The following PCM1 variants were observed in gnomAD, a reference collection of about 807,000 sequenced individuals.
The protein encoded by PCM1 is pericentriolar material 1.
In PCM1, 157 loss-of-function variants were observed where a neutral mutation model predicts 241.9. The observed-to-expected ratio is 0.65, with a 90% CI of 0.57 to 0.74. The LOEUF (loss-of-function observed/expected upper bound fraction) is 0.74, where lower values mean the gene tolerates loss of function less well. PCM1 is among the 30% of genes least tolerant of loss of function. The pLI, the probability that PCM1 is intolerant of heterozygous loss-of-function variation, is 0.00. For synonymous variants in PCM1, 1,085 were observed against 784.9 expected (o/e 1.38, Z -6.39); for missense variants, 3,478 against 2,360.1 (o/e 1.47, Z -9.81).
intron 8 of PCM1, 131 bp downstream of exon 8, chr8:17,950,855 T>TC (rs898300460): frequency 1.5e-4 from 93 of 636,470 alleles, no homozygotes; most frequent in Non-Finnish European, 2.1e-4. Flanking sequence ...ATTGGTGGGG[T>TC]CCCCCCCACC....
Position 17,960,301 on chromosome 8 carries a change from C to G in PCM1, c.2193-14C>G, listed in dbSNP as rs2071092599. ...TTATTGGAGTCCATAAATATAATGT[C>G]AATTTAATTGTAGAGAGAAATTTTA... On this transcript the variant is annotated splice_polypyrimidine_tract_variant and intron_variant, in intron 14 of 38. Coordinates refer to ENST00000325083, the MANE Select transcript of PCM1 (RefSeq NM_006197.4). The G allele has an allele frequency of 6.3e-7, 1 of 1,592,894 alleles. No individual in the cohort carries two copies. The highest frequency in any genetic ancestry group is 1.2e-5 in the South Asian group (1 of 86,320).
chr8:17,937,224 G>A lies in PCM1; in HGVS notation c.187G>A (p.Asp63Asn), dbSNP rs34804690. 933 of 1,607,576 alleles carry A rather than the reference G, an allele frequency of 5.8e-4. 3 individuals are homozygous for A. The African/African-American group carries it at 0.01, about 18-fold the overall frequency. ...GVESDKRVTN[D>N]ISPESSPGVG... is the part of the protein sequence containing the mutation. ...AGAAAGTGATAAAAGAGTAACCAAT[G>A]ATATTTCTCCGGAGTCGTCACCAGG... Residue 63 changes from aspartate (D) to asparagine (N), a missense_variant, in exon 4 of 39, where the codon GAT (aspartate) becomes AAT (asparagine). Transcript: ENST00000325083.
chr8:17,987,114 C>G (rs183475086), intron 26 of PCM1, among the ~76,000 whole-genome samples: 5 of 151,912 alleles, frequency 3.3e-5, no homozygotes, highest in Non-Finnish European at 7.4e-5. Flanking sequence ...ATAACATAAA[C>G]CTGTGTCTAA....
chr8:17,938,800 A>C lies in PCM1; in HGVS notation c.403A>C (p.Ser135Arg). The change falls in exon 5 of 39, where the codon AGT becomes CGT. Residue 135 changes from serine (S) to arginine (R), a missense_variant. By Grantham distance (110) the Ser-to-Arg change is moderately radical. Coordinates refer to ENST00000325083, the MANE Select transcript of PCM1 (RefSeq NM_006197.4). ...AGCTGCTAACAACAAACGTCAGCTT[A>C]GTGAAAACCGAAAGCCCTTCAACTT... ...ATAANNKRQLSENRKPFNFLP... is the reference protein window; with the variant it reads ...ATAANNKRQLRENRKPFNFLP... The C allele has an allele frequency of 6.2e-7, 1 of 1,612,584 alleles. No homozygotes were observed. The highest frequency in any genetic ancestry group is 8.5e-7 in the Non-Finnish European group (1 of 1,178,542).
chr8:17,978,706 A>G (rs144577647), intron 23 of PCM1, among the ~76,000 whole-genome samples: 1,869 of 152,304 alleles, frequency 0.012, 15 homozygotes, highest in Admixed American at 0.018. Context: ...ATCAAAATAG[A>G]GACCTTTATA....
intron 6 of PCM1, among the ~76,000 whole-genome samples, chr8:17,940,749 C>T (rs1460440946): frequency 1.3e-5 from 2 of 152,124 alleles, no homozygotes; most frequent in South Asian, 2.1e-4. Flanking sequence ...TGTTGAAGTA[C>T]TGTTTTTCTG....
At chr8:17,979,117 CA>C in intron 23 of PCM1, among the ~76,000 whole-genome samples, 1 of 143,088 alleles carries the variant, frequency 7.0e-6, no homozygotes. Context: ...GAATGAGACT[CA>C]GTCTCAAAAG....
intron 6 of PCM1, chr8:17,940,174 GTAAT>G: frequency 1.6e-6 from 2 of 1,278,448 alleles, no homozygotes; most frequent in Non-Finnish European, 2.2e-6. Context: ...CGGCTTTTTG[GTAAT>G]TAAAGTGCTG....
intron 36 of PCM1, among the ~76,000 whole-genome samples, chr8:18,022,029 A>C (rs1443115332): frequency 2.6e-5 from 4 of 152,234 alleles, no homozygotes; most frequent in Non-Finnish European, 4.4e-5. Context: ...TTTTGGAAAC[A>C]ACAGCAGAGA....
At chr8:17,984,108 C>T (rs1368694567) in intron 24 of PCM1, among the ~76,000 whole-genome samples, 2 of 151,910 alleles carry the variant, frequency 1.3e-5, no homozygotes, top group African/African-American at 2.4e-5. Context: ...GGGAATGAAG[C>T]TTGTGTTTAA....
chr8:17,942,996 CAA>C (rs5889754), intron 6 of PCM1, among the ~76,000 whole-genome samples: 56,850 of 122,972 alleles, frequency 0.46, 12,592 homozygotes, highest in Middle Eastern at 0.6. Context: ...GACTCTGTCT[CAA>C]AAAAAAAAAA....
intron 20 of PCM1, 25 bp from the exon 21 acceptor site, chr8:17,966,955 A>G (rs1439372922): frequency 6.4e-7 from 1 of 1,567,706 alleles, no homozygotes; most frequent in Non-Finnish European, 8.6e-7. Context: ...ACTGATTCTT[A>G]GATTACTGAC....
chr8:17,975,660 T>C (rs561942954), intron 23 of PCM1, among the ~76,000 whole-genome samples: 40 of 152,288 alleles, frequency 2.6e-4, no homozygotes, highest in African/African-American at 9.6e-4. Context: ...GTACAGCCAG[T>C]TATACTGTCC....
At chr8:17,954,427 CAA>C (rs57686395) in intron 9 of PCM1, among the ~76,000 whole-genome samples, 23 of 108,740 alleles carry the variant, frequency 2.1e-4, no homozygotes, top group South Asian at 3.0e-4. Flanking sequence ...AACTCCATCT[CAA>C]AAAAAAAAAA....
chr8:18,009,107 A>T (rs2092036961), intron 30 of PCM1, among the ~76,000 whole-genome samples: 1 of 151,978 alleles, frequency 6.6e-6, no homozygotes, highest in East Asian at 1.9e-4. Flanking sequence ...TTTGAAGAAA[A>T]ATTTAAATTA....
At chr8:17,949,406 A>C in intron 7 of PCM1, among the ~76,000 whole-genome samples, 1 of 152,180 alleles carries the variant, frequency 6.6e-6, no homozygotes, top group South Asian at 2.1e-4. Flanking sequence ...ATAGGATTCT[A>C]TATAGCCTTG....
intron 29 of PCM1, 89 bp downstream of exon 29, chr8:17,993,708 G>GTATACC (rs1467563362): frequency 4.5e-6 from 5 of 1,106,246 alleles, no homozygotes; most frequent in Admixed American, 6.1e-5. Context: ...AAGTTCAACG[G>GTATACC]TATAGGTAAA....
At chr8:17,947,671 C>T (rs183002439) in intron 7 of PCM1, among the ~76,000 whole-genome samples, 79 of 152,196 alleles carry the variant, frequency 5.2e-4, no homozygotes, top group Middle Eastern at 6.8e-3. Context: ...GCTCATGATG[C>T]GTTTATTTCC....
At chr8:17,977,062 A>T (rs922210224) in intron 23 of PCM1, among the ~76,000 whole-genome samples, 2 of 152,168 alleles carry the variant, frequency 1.3e-5, no homozygotes, top group Admixed American at 6.5e-5. Flanking sequence ...TTTTCATGTG[A>T]TACAGTAACA....
Sources: allele counts gnomAD v4.1 joint callset (sites outside exome capture counted in the v4.1 genomes callset), GRCh38; gene constraint gnomAD v4.1.1; transcripts MANE v1.5; gene names NCBI Gene and HGNC (gene_info 2026-07-23, HGNC 2026-07-21).